The following SAMD8 variants were observed in gnomAD, a reference collection of about 807,000 sequenced individuals.
SAMD8 encodes the protein sterile alpha motif domain containing 8.
Under a neutral mutation model 42.0 loss-of-function variants are expected in SAMD8, and 20 were observed. The observed-to-expected ratio is 0.48, with a 90% CI of 0.34 to 0.69. SAMD8 has a LOEUF of 0.69. Ranked by LOEUF, SAMD8 falls within the 30% of genes least tolerant of loss-of-function variation. The pLI, the probability that SAMD8 is intolerant of heterozygous loss-of-function variation, is 0.01. For missense variants in SAMD8, 328 were observed against 511.6 expected, an observed-to-expected ratio of 0.64 and a Z score of 3.46; for synonymous variants, 162 against 173.0, an observed-to-expected ratio of 0.94 and a Z score of 0.50.
intron 1 of SAMD8, among the ~76,000 whole-genome samples, chr10:75,139,341 T>G (rs780650367): frequency 6.6e-6 from 1 of 152,084 alleles, no homozygotes; most frequent in African/African-American, 2.4e-5. Context: ...GTAATAAGAG[T>G]TAGTATTTAA....
At chr10:75,174,190 C>T (rs886893788) in intron 4 of SAMD8, among the ~76,000 whole-genome samples, 1 of 152,042 alleles carries the variant, frequency 6.6e-6, no homozygotes. Flanking sequence ...AGTGCAGTGG[C>T]GCGATCTCTG....
At chr10:75,145,405 C>T (rs962215890) in intron 1 of SAMD8, among the ~76,000 whole-genome samples, 1 of 152,104 alleles carries the variant, frequency 6.6e-6, no homozygotes, top group Admixed American at 6.5e-5. Context: ...CTTTGCATGC[C>T]TGACAATCTT....
chr10:75,181,262 A>G lies in SAMD8; in HGVS notation c.*4570A>G, dbSNP rs1173481507. 4 of 152,212 alleles carry G rather than the reference A, an allele frequency of 2.6e-5. No homozygotes were observed. Among genetic ancestry groups the G allele is most frequent in the Non-Finnish European group, 5.9e-5 (4 of 68,038 alleles). The allele number at this position is 152,212 out of a possible 1,614,324, so 9.4% of individuals were successfully genotyped here. On this transcript the variant is annotated 3_prime_UTR_variant, in exon 6 of 6. Transcript: ENST00000542569. The stretch of plus-strand genomic sequence containing the variant: ...TAAGCAGTTTAGCCTGAATTATCCC[A>G]TACTGCTGTAGAGGAGAATTGTTAG...
chr10:75,149,673 G>GAA (rs1229886796), intron 1 of SAMD8, among the ~76,000 whole-genome samples: 1 of 152,152 alleles, frequency 6.6e-6, no homozygotes, highest in Non-Finnish European at 1.5e-5. Context: ...CAGGTGGGGA[G>GAA]ATACGTTTTC....
intron 3 of SAMD8, 87 bp downstream of exon 3, chr10:75,164,827 CTTG>C: frequency 2.0e-6 from 2 of 987,756 alleles, no homozygotes; most frequent in East Asian, 4.8e-5. Flanking sequence ...TTGCAGTTTC[CTTG>C]TTAATTTCCT....
intron 1 of SAMD8, chr10:75,102,035 A>G (rs575834823): frequency 8.7e-7 from 1 of 1,148,574 alleles, no homozygotes; most frequent in South Asian, 1.2e-5. Flanking sequence ...GCCACTCCCA[A>G]CTTGTCCACT....
At chr10:75,137,317 A>G (rs1839911620) in intron 1 of SAMD8, among the ~76,000 whole-genome samples, 1 of 152,150 alleles carries the variant, frequency 6.6e-6, no homozygotes, top group South Asian at 2.1e-4. Context: ...AGGTGGGTGG[A>G]TCATTTGAGG....
chr10:75,163,219 C>G (rs957910364), intron 2 of SAMD8, among the ~76,000 whole-genome samples: 5 of 152,184 alleles, frequency 3.3e-5, no homozygotes, highest in African/African-American at 1.2e-4. Flanking sequence ...GCCACCGTGC[C>G]CAGCCATGTT....
chr10:75,165,150 C>T (rs189917975), intron 3 of SAMD8, among the ~76,000 whole-genome samples: 29 of 152,148 alleles, frequency 1.9e-4, no homozygotes, highest in African/African-American at 6.0e-4. Context: ...ATTAACTGGG[C>T]GTGGTGGCGC....
At position 75,176,732 on chromosome 10, in the gene SAMD8, A is replaced by G. The variant is rs878893267; in HGVS notation, c.*40A>G. On this transcript the variant is annotated 3_prime_UTR_variant, in exon 6 of 6. Coordinates refer to ENST00000542569, the MANE Select transcript of SAMD8 (RefSeq NM_001174156.2). This position sits in a 1 kb window ranked among gnomAD's most constrained non-coding sequence, Gnocchi z 4.3. Reference sequence around the variant, plus strand: ...ATGAATTTGTGATTAAATATATAATAGTTGTTGAAAATGAGTAACTTTGCG... The same window carrying G: ...ATGAATTTGTGATTAAATATATAATGGTTGTTGAAAATGAGTAACTTTGCG... 2 of 1,411,580 alleles carry G rather than the reference A, an allele frequency of 1.4e-6. No homozygotes were observed. Among genetic ancestry groups the G allele is most frequent in the South Asian group, 1.5e-5 (1 of 67,790 alleles). 87.4% of individuals were successfully genotyped at this position (1,411,580 alleles called of 1,614,324 possible).
chr10:75,115,596 T>G (rs539055999), intron 1 of SAMD8, among the ~76,000 whole-genome samples: 2 of 152,284 alleles, frequency 1.3e-5, no homozygotes, highest in East Asian at 3.8e-4. Context: ...GTTCAGTGAC[T>G]TCATGTTTCC....
chr10:75,169,868 C>T (rs1261201985), intron 4 of SAMD8, among the ~76,000 whole-genome samples: 1 of 152,150 alleles, frequency 6.6e-6, no homozygotes, highest in Non-Finnish European at 1.5e-5. Flanking sequence ...AAGATGGCAC[C>T]ATTGTACTCC....
At position 75,142,105 on chromosome 10, in the gene SAMD8, GC is replaced by G. The variant is rs1840029466; in HGVS notation, c.-15-8407del. Among the ~76,000 whole-genome samples, 8 of 152,030 alleles carry G rather than the reference GC, an allele frequency of 5.3e-5. No homozygotes were observed. In the South Asian group the frequency reaches 1.7e-3, roughly 32 times the overall value. ...TGGGATTGCAGGCACCCACCACCAT[GC>G]CTGGCTAATTTTTGTATTTTTAGTA... On this transcript the variant is annotated intron_variant, in intron 1 of 5. Transcript: ENST00000542569.
chr10:75,104,169 A>G (rs1762171698), intron 1 of SAMD8: 1 of 1,140,684 alleles, frequency 8.8e-7, no homozygotes, highest in Non-Finnish European at 1.2e-6. Context: ...TTGTTGGGGC[A>G]GGGATAAGAG....
chr10:75,120,499 G>A (rs1848978991), intron 1 of SAMD8, among the ~76,000 whole-genome samples: 2 of 152,024 alleles, frequency 1.3e-5, no homozygotes, highest in Non-Finnish European at 2.9e-5. Context: ...TCTATCTCCT[G>A]ACCTCGTGAT....
intron 1 of SAMD8, among the ~76,000 whole-genome samples, chr10:75,104,890 G>A (rs1848400030): frequency 6.6e-6 from 1 of 152,014 alleles, no homozygotes; most frequent in Non-Finnish European, 1.5e-5. Flanking sequence ...GCTCTTAGGG[G>A]TGGGAGGCAG....
chr10:75,159,063 CT>C lies in SAMD8; in HGVS notation c.579-5569del, dbSNP rs530043259. Among the ~76,000 whole-genome samples the C allele has an allele frequency of 3.9e-3, 519 of 133,342 alleles. 4 individuals are homozygous for C. Among genetic ancestry groups the C allele is most frequent in the Non-Finnish European group, 6.2e-3 (392 of 63,492 alleles). The allele number at this position is 133,342 out of a possible 152,430, so 87.5% of individuals were successfully genotyped here. A position where few individuals can be genotyped will look rare whatever the true frequency, so the allele number is the denominator to read the frequency against. On this transcript the variant is annotated intron_variant, in intron 2 of 5. Coordinates refer to ENST00000542569, the MANE Select transcript of SAMD8 (RefSeq NM_001174156.2). ...TGTAGACAAATTTTTTTTTCTTTTT[CT>C]TTTTTTTTTTTTGAGACAGAGTCTC...
At chr10:75,139,252 G>A (rs574623593) in intron 1 of SAMD8, among the ~76,000 whole-genome samples, 11 of 152,032 alleles carry the variant, frequency 7.2e-5, no homozygotes, top group African/African-American at 2.7e-4. Context: ...TATAGGCGTG[G>A]GTCACCACCC....
rs116498104 is a variant in SAMD8 at position 75,105,233 on chromosome 10, G to A, written c.-16+5505G>A. On this transcript the variant is annotated intron_variant, in intron 1 of 3. Coordinates refer to the SAMD8 transcript ENST00000447533. ...GAAGGGGATGTGGAGGTTCAGGAGG[G>A]TCCAGGCTGGCTGTGCAGATGCCTC... Among the ~76,000 whole-genome samples, 678 of 152,336 alleles carry A rather than the reference G, an allele frequency of 4.5e-3. 5 individuals carry two copies. Among genetic ancestry groups the A allele is most frequent in the African/African-American group, 0.015 (636 of 41,586 alleles).
Sources: allele counts gnomAD v4.1 joint callset (sites outside exome capture counted in the v4.1 genomes callset), GRCh38; gene constraint gnomAD v4.1.1; non-coding constraint Gnocchi (gnomAD v3.1); transcripts MANE v1.5; gene names NCBI Gene and HGNC (gene_info 2026-07-23, HGNC 2026-07-21).